Variants in NALCN observed in about 807,000 individuals in gnomAD.
The protein encoded by NALCN is sodium leak channel, non-selective.
Under a neutral mutation model 225.3 loss-of-function variants are expected in NALCN, and 111 were observed. The ratio of observed to expected loss-of-function variants is 0.49; its 90% CI spans 0.42 to 0.58. The LOEUF (loss-of-function observed/expected upper bound fraction) is 0.58, where lower values mean the gene tolerates loss of function less well. Ranked by LOEUF, NALCN falls within the 20% of genes least tolerant of loss-of-function variation. The probability of loss-of-function intolerance (pLI) is 0.00; values close to 1 mark genes in which losing one functional copy is unlikely to be tolerated. For synonymous variants in NALCN, 764 were observed against 769.0 expected, an observed-to-expected ratio of 0.99 and a Z score of 0.11; for missense variants, 1,378 against 2,202.4, an observed-to-expected ratio of 0.63 and a Z score of 7.49.
chr13:101,373,095 C>A, intron 6 of NALCN: 1 of 384,288 alleles, frequency 2.6e-6, no homozygotes. Context: ...AATAGGTAAG[C>A]TCTTTGAAAA....
At chr13:101,231,685 G>T (rs2041354425) in intron 12 of NALCN, among the ~76,000 whole-genome samples, 1 of 152,174 alleles carries the variant, frequency 6.6e-6, no homozygotes, top group South Asian at 2.1e-4. Flanking sequence ...GTCAATAAGA[G>T]ATTGAGTTGT....
intron 1 of NALCN, among the ~76,000 whole-genome samples, chr13:101,408,424 T>C (rs1282364339): frequency 2.0e-5 from 3 of 152,098 alleles, no homozygotes; most frequent in Non-Finnish European, 2.9e-5. Context: ...CTCTTAAACT[T>C]AGCCTGGAGT....
At chr13:101,085,273 C>A (rs656836) in intron 30 of NALCN, among the ~76,000 whole-genome samples, 114,508 of 151,932 alleles carry the variant, frequency 0.75, 44,019 homozygotes, top group African/African-American at 0.88. Flanking sequence ...TCATTCAGAA[C>A]ATTTTAATTT....
chr13:101,192,178 A>G (rs533660605), intron 13 of NALCN, 124 bp from the exon 14 acceptor site: 17 of 1,070,238 alleles, frequency 1.6e-5, no homozygotes, highest in Non-Finnish European at 2.2e-5. Flanking sequence ...CAGGGCAAGA[A>G]CAGTCTTGAT....
At chr13:101,075,003 A>C (rs2033160004) in intron 35 of NALCN, among the ~76,000 whole-genome samples, 1 of 152,288 alleles carries the variant, frequency 6.6e-6, no homozygotes, top group East Asian at 1.9e-4. Flanking sequence ...CTCTATGATA[A>C]GGGCTACACA....
intron 1 of NALCN, among the ~76,000 whole-genome samples, chr13:101,403,882 A>C (rs2047546129): frequency 6.6e-6 from 1 of 152,218 alleles, no homozygotes; most frequent in Non-Finnish European, 1.5e-5. Flanking sequence ...ATGTTCAATA[A>C]CATCTCCGGG....
intron 16 of NALCN, among the ~76,000 whole-genome samples, chr13:101,143,449 C>T (rs2037193979): frequency 6.6e-6 from 1 of 151,780 alleles, no homozygotes; most frequent in African/African-American, 2.4e-5. Flanking sequence ...TACTCAGTAA[C>T]CGATGGTAGT....
intron 7 of NALCN, among the ~76,000 whole-genome samples, chr13:101,324,159 C>T (rs965071387): frequency 6.6e-6 from 1 of 152,174 alleles, no homozygotes; most frequent in African/African-American, 2.4e-5. Flanking sequence ...AATTGTATGA[C>T]ATTTGGTCAC....
At chr13:101,086,049 T>C (rs2033914105) in intron 30 of NALCN, among the ~76,000 whole-genome samples, 1 of 152,162 alleles carries the variant, frequency 6.6e-6, no homozygotes, top group Non-Finnish European at 1.5e-5. Flanking sequence ...TGTAGCTTAC[T>C]TTCTTGTTTC....
At chr13:101,260,420 T>G (rs504347) in intron 10 of NALCN, among the ~76,000 whole-genome samples, 59,754 of 152,024 alleles carry the variant, frequency 0.39, 12,003 homozygotes, top group Middle Eastern at 0.47. Context: ...AGCAGCTCAA[T>G]TTTTAGTTTT....
chr13:101,293,768 A>G (rs2043634796), intron 7 of NALCN, among the ~76,000 whole-genome samples: 1 of 152,244 alleles, frequency 6.6e-6, no homozygotes. Context: ...GGCTGGAAAG[A>G]AAAGCTAAGA....
intron 30 of NALCN, among the ~76,000 whole-genome samples, chr13:101,088,948 G>A (rs899018424): frequency 2.0e-5 from 3 of 149,718 alleles, no homozygotes; most frequent in Non-Finnish European, 4.4e-5. Flanking sequence ...GCTCAGGCTG[G>A]ATGCAGTGGT....
chr13:101,180,841 GT>G (rs2039181859), intron 14 of NALCN: 1 of 310,452 alleles, frequency 3.2e-6, no homozygotes, highest in Admixed American at 4.3e-5. Context: ...AACACGCTTT[GT>G]CTCTCTCTCT....
intron 13 of NALCN, among the ~76,000 whole-genome samples, chr13:101,218,248 C>A (rs2040814232): frequency 6.6e-6 from 1 of 152,108 alleles, no homozygotes; most frequent in Non-Finnish European, 1.5e-5. Flanking sequence ...AGGAAGACAA[C>A]CCATGGAGAA....
At chr13:101,121,666 A>G (rs890573507) in intron 18 of NALCN, among the ~76,000 whole-genome samples, 10 of 152,220 alleles carry the variant, frequency 6.6e-5, no homozygotes, top group Non-Finnish European at 1.5e-4. Flanking sequence ...ATTTATATCA[A>G]GATAGACCCA....
intron 13 of NALCN, among the ~76,000 whole-genome samples, chr13:101,219,611 C>A (rs2040861921): frequency 6.6e-6 from 1 of 152,152 alleles, no homozygotes; most frequent in Non-Finnish European, 1.5e-5. Context: ...GGCTGTGCCC[C>A]AAAATGTTAA....
chr13:101,231,728 G>T (rs956263176), intron 12 of NALCN, among the ~76,000 whole-genome samples: 4 of 152,198 alleles, frequency 2.6e-5, no homozygotes, highest in African/African-American at 9.6e-5. Flanking sequence ...TTAGAACACA[G>T]TAAGAAACAG....
At chr13:101,177,676 ATTTTT>A (rs888841657) in intron 14 of NALCN, among the ~76,000 whole-genome samples, 1 of 152,054 alleles carries the variant, frequency 6.6e-6, no homozygotes, top group African/African-American at 2.4e-5. Flanking sequence ...TCAACTTTGA[ATTTTT>A]TTAAGTCCCA....
At chr13:101,291,453 G>A (rs1239185103) in intron 9 of NALCN, among the ~76,000 whole-genome samples, 1 of 152,130 alleles carries the variant, frequency 6.6e-6, no homozygotes, top group Non-Finnish European at 1.5e-5. Context: ...AACCACCCAC[G>A]GAGCTGTTAC....
Sources: allele counts gnomAD v4.1 joint callset (sites outside exome capture counted in the v4.1 genomes callset), GRCh38; gene constraint gnomAD v4.1.1; transcripts MANE v1.5; gene names NCBI Gene and HGNC (gene_info 2026-07-23, HGNC 2026-07-21).